UBA6: variants seen among roughly 807,000 people sequenced by gnomAD.
The protein encoded by UBA6 is ubiquitin-like modifier-activating enzyme 6.
A neutral mutation model predicts 148.3 loss-of-function variants in UBA6; 87 were observed. The observed-to-expected ratio is 0.59, with a 90% CI of 0.49 to 0.70. The LOEUF (loss-of-function observed/expected upper bound fraction) is 0.70, where lower values mean the gene tolerates loss of function less well. Ranked by LOEUF, UBA6 falls within the 30% of genes least tolerant of loss-of-function variation. The pLI is 0.00. For synonymous variants in UBA6, 376 were observed against 401.0 expected (o/e 0.94, Z 0.75); for missense variants, 1,186 against 1,241.2 (o/e 0.96, Z 0.67).
At chr4:67,626,102 A>G (rs1560477406) in intron 28 of UBA6, among the ~76,000 whole-genome samples, 1 of 151,992 alleles carries the variant, frequency 6.6e-6, no homozygotes, top group Admixed American at 6.6e-5. Context: ...AACTAAAACA[A>G]TCAGAAAAAC....
At chr4:67,684,421 T>A (rs1464695906) in intron 2 of UBA6, among the ~76,000 whole-genome samples, 1 of 149,466 alleles carries the variant, frequency 6.7e-6, no homozygotes, top group Non-Finnish European at 1.5e-5. Flanking sequence ...CCCATTTTAA[T>A]TATGATTCTT....
chr4:67,687,426 TAA>T, intron 2 of UBA6, among the ~76,000 whole-genome samples: 1 of 152,328 alleles, frequency 6.6e-6, no homozygotes, highest in East Asian at 1.9e-4. Flanking sequence ...CCAGTTCATA[TAA>T]AAGTCAGGAT....
intron 2 of UBA6, among the ~76,000 whole-genome samples, chr4:67,687,118 C>G (rs1234048978): frequency 6.8e-6 from 1 of 146,532 alleles, no homozygotes; most frequent in Non-Finnish European, 1.5e-5. Flanking sequence ...TCCCTGCAAC[C>G]TCTGCCTCCC....
chr4:67,644,222 T>A (rs1014677853), intron 17 of UBA6, among the ~76,000 whole-genome samples: 3 of 152,030 alleles, frequency 2.0e-5, no homozygotes, highest in African/African-American at 7.2e-5. Flanking sequence ...ACATTTAGAG[T>A]CTTAAGAATT....
At position 67,663,887 on chromosome 4, in the gene UBA6, C is replaced by T. The variant is rs761864902; in HGVS notation, c.958G>A (p.Glu320Lys). The T allele has an allele frequency of 1.5e-5, 24 of 1,613,250 alleles. No homozygotes were observed. In the African/African-American group the frequency reaches 2.4e-4, roughly 16 times the overall value. The change falls in exon 11 of 33, where the codon GAG becomes AAG. Residue 320 changes from glutamate (E) to lysine (K), a missense_variant and splice_region_variant. Glu to Lys is a moderately conservative substitution (Grantham distance 56). Transcript: ENST00000322244. ...KCLIVDFSNP[E>K]APLEIHTAML... is the part of the protein sequence containing the mutation. Reference sequence around the variant, plus strand: ...AAACCTGCAAAGTGTTTATTTACCTCAGGGTTGCTAAAATCCACAATAAGG... The same window carrying T: ...AAACCTGCAAAGTGTTTATTTACCTTAGGGTTGCTAAAATCCACAATAAGG...
At chr4:67,682,787 T>A (rs1730473441) in intron 2 of UBA6, among the ~76,000 whole-genome samples, 1 of 152,330 alleles carries the variant, frequency 6.6e-6, no homozygotes, top group South Asian at 2.1e-4. Context: ...AGTGTTTATC[T>A]GAAAGAACAA....
At chr4:67,623,090 C>G in intron 31 of UBA6, 45 bp downstream of exon 31, 1 of 1,461,688 alleles carries the variant, frequency 6.8e-7, no homozygotes, top group East Asian at 2.3e-5. Flanking sequence ...AAACAGAAAC[C>G]AGACATAAAG....
intron 27 of UBA6, 86 bp from the exon 28 acceptor site, chr4:67,626,563 A>G: frequency 2.4e-6 from 2 of 818,702 alleles, no homozygotes; most frequent in Non-Finnish European, 3.8e-6. Context: ...CAAATTACAA[A>G]GAGAAAATAT....
intron 18 of UBA6, among the ~76,000 whole-genome samples, chr4:67,640,159 A>G (rs150925372): frequency 6.6e-6 from 1 of 152,334 alleles, no homozygotes; most frequent in Non-Finnish European, 1.5e-5. Context: ...TTAGGCTGAC[A>G]CATTTCACTT....
chr4:67,647,319 T>C (rs1729442167), intron 14 of UBA6, among the ~76,000 whole-genome samples: 1 of 152,094 alleles, frequency 6.6e-6, no homozygotes. Flanking sequence ...AATTTTTTTG[T>C]ATTTTTAGTA....
At position 67,649,054 on chromosome 4, in the gene UBA6, A is replaced by C. The variant is rs1246726557; in HGVS notation, c.1248+14T>G. The stretch of plus-strand genomic sequence containing the variant: ...CACGAGTAAAGAATTCAACTTTAAA[A>C]ACTCAGAACTAACCCACTGGCACAA... On this transcript the variant is annotated intron_variant, in intron 14 of 32. Transcript: ENST00000322244. 10 of 1,603,954 alleles carry C rather than the reference A, an allele frequency of 6.2e-6. No individual in the cohort carries two copies. The highest frequency in any genetic ancestry group is 8.5e-6 in the Non-Finnish European group (10 of 1,176,934).
At chr4:67,690,075 C>T (rs370423646) in intron 2 of UBA6, among the ~76,000 whole-genome samples, 10 of 152,006 alleles carry the variant, frequency 6.6e-5, no homozygotes, top group African/African-American at 2.4e-4. Context: ...TAAAGGATCA[C>T]TGGAAGGTAT....
At position 67,633,399 on chromosome 4, in the gene UBA6, C is replaced by T; in HGVS notation, c.2088G>A (p.Trp696Ter). 6.2e-7 allele frequency: 1 copy of T among 1,610,866 alleles called. No individual in the cohort carries two copies. Among genetic ancestry groups the T allele is most frequent in the Non-Finnish European group, 8.5e-7 (1 of 1,179,072 alleles). Residue 696 changes from tryptophan to a stop codon, truncating the protein, a stop_gained, in exon 23 of 33, where the codon TGG becomes TGA. Coordinates refer to ENST00000322244, the MANE Select transcript of UBA6 (RefSeq NM_018227.6). LOFTEE classifies it high-confidence loss of function. ...IKLLSRRPRN[W>*]SQCVELARLK... ...ATCTTGCTAATTCTACACACTGGGA[C>T]CAATTTCTAGGTCTTCTGCTAAGTA...
chr4:67,664,851 T>C (rs1050186769), intron 10 of UBA6, among the ~76,000 whole-genome samples: 1 of 152,056 alleles, frequency 6.6e-6, no homozygotes, highest in African/African-American at 2.4e-5. Flanking sequence ...ACATTAGTTT[T>C]ATTTCTTGTC....
At chr4:67,659,860 A>T (rs1360134971) in intron 13 of UBA6, among the ~76,000 whole-genome samples, 2 of 152,170 alleles carry the variant, frequency 1.3e-5, no homozygotes, top group Non-Finnish European at 2.9e-5. Flanking sequence ...ATGGACAATG[A>T]AGTCCAGCCT....
intron 27 of UBA6, 148 bp from the exon 28 acceptor site, chr4:67,626,625 T>C: frequency 1.7e-6 from 1 of 590,514 alleles, no homozygotes; most frequent in Non-Finnish European, 2.9e-6. Flanking sequence ...ATGTATTTTA[T>C]ACGTTCCTTT....
At chr4:67,637,448 A>G (rs1248038334) in intron 19 of UBA6, among the ~76,000 whole-genome samples, 2 of 152,180 alleles carry the variant, frequency 1.3e-5, no homozygotes, top group Non-Finnish European at 2.9e-5. Context: ...CCAACAGCTC[A>G]TTGAGAACGG....
chr4:67,626,499 T>C, intron 27 of UBA6, 22 bp from the exon 28 acceptor site: 11 of 1,377,612 alleles, frequency 8.0e-6, no homozygotes, highest in Non-Finnish European at 1.0e-5. Context: ...TGAATATATT[T>C]TTATTAATGT....
At chr4:67,681,662 A>G (rs1730442699) in intron 3 of UBA6, 71 bp from the exon 4 acceptor site, 1 of 1,042,058 alleles carries the variant, frequency 9.6e-7, no homozygotes, top group Non-Finnish European at 1.4e-6. Flanking sequence ...CACAGAGCTT[A>G]GTCACATATC....
Sources: gnomAD v4.1 joint callset for allele counts (sites outside exome capture counted in the v4.1 genomes callset) on GRCh38, gnomAD v4.1.1 for gene constraint, MANE v1.5 for transcripts, NCBI Gene and HGNC (gene_info 2026-07-23, HGNC 2026-07-21) for gene names.